The following PAM variants were observed in gnomAD, a reference collection of about 807,000 sequenced individuals.
PAM encodes peptidyl-glycine alpha-amidating monooxygenase.
PAM carries 72 observed loss-of-function variants against 122.1 expected under a neutral mutation model. The observed-to-expected ratio is 0.59, with a 90% CI of 0.49 to 0.72. The LOEUF (loss-of-function observed/expected upper bound fraction) is 0.72, where lower values mean the gene tolerates loss of function less well. PAM is among the 30% of genes least tolerant of loss of function. The pLI, the probability that PAM is intolerant of heterozygous loss-of-function variation, is 0.00. For synonymous variants in PAM, 389 were observed against 404.4 expected (o/e 0.96, Z 0.46); for missense variants, 1,106 against 1,183.7 (o/e 0.93, Z 0.96).
intron 12 of PAM, among the ~76,000 whole-genome samples, chr5:102,954,703 T>G (rs1268076801): frequency 6.6e-6 from 1 of 152,088 alleles, no homozygotes. Flanking sequence ...TCGTTTCAAA[T>G]GTTTAGTCAA....
intron 17 of PAM, among the ~76,000 whole-genome samples, chr5:103,004,581 T>A (rs1460156308): frequency 6.6e-6 from 1 of 152,224 alleles, no homozygotes; most frequent in Non-Finnish European, 1.5e-5. Context: ...AAGATTGATT[T>A]GCCAGATTAA....
At chr5:103,013,992 A>G (rs553739436) in intron 21 of PAM, among the ~76,000 whole-genome samples, 6 of 152,220 alleles carry the variant, frequency 3.9e-5, no homozygotes, top group Non-Finnish European at 8.8e-5. Context: ...AATTCATTAC[A>G]CTGATAATAA....
chr5:102,785,163 A>T (rs1289919007), intron 1 of PAM, among the ~76,000 whole-genome samples: 1 of 152,200 alleles, frequency 6.6e-6, no homozygotes, highest in Non-Finnish European at 1.5e-5. Context: ...TGATTGGGAC[A>T]CTAAAAAGTA....
At chr5:102,795,115 G>A (rs997154496) in intron 1 of PAM, among the ~76,000 whole-genome samples, 2 of 148,640 alleles carry the variant, frequency 1.3e-5, no homozygotes, top group South Asian at 2.1e-4. Flanking sequence ...ACTTGAACCC[G>A]GGAGGTTGAG....
chr5:102,774,969 A>C (rs258142), intron 1 of PAM, among the ~76,000 whole-genome samples: 3 of 151,610 alleles, frequency 2.0e-5, no homozygotes, highest in Non-Finnish European at 4.4e-5. Flanking sequence ...CTGTGAGGTC[A>C]GATAATAGTT....
At chr5:102,837,563 A>G (rs1040782501) in intron 1 of PAM, 1 of 152,224 alleles carries the variant, frequency 6.6e-6, no homozygotes, top group Non-Finnish European at 1.5e-5. Flanking sequence ...AAATGGAAAA[A>G]TAAAATCTGA....
chr5:102,961,258 C>T (rs747332395), intron 14 of PAM, 29 bp downstream of exon 14: 1 of 1,222,398 alleles, frequency 8.2e-7, no homozygotes, highest in South Asian at 1.2e-5. Context: ...ATAACTAGTC[C>T]TATAAAAGTA....
intron 1 of PAM, among the ~76,000 whole-genome samples, chr5:102,858,540 A>G (rs1336556401): frequency 6.6e-6 from 1 of 152,234 alleles, no homozygotes; most frequent in Non-Finnish European, 1.5e-5. Context: ...CATAACATTT[A>G]GTTTGTAATG....
intron 1 of PAM, among the ~76,000 whole-genome samples, chr5:102,852,099 A>T (rs2150741326): frequency 6.6e-6 from 1 of 152,330 alleles, no homozygotes; most frequent in South Asian, 2.1e-4. Flanking sequence ...TGAATCAATG[A>T]TGCAGTCATC....
chr5:102,854,489 A>C (rs538395916), intron 1 of PAM, among the ~76,000 whole-genome samples: 1 of 152,248 alleles, frequency 6.6e-6, no homozygotes, highest in African/African-American at 2.4e-5. Context: ...AACAATGGAG[A>C]GAGAAAGCTA....
chr5:102,999,069 C>T lies in PAM; in HGVS notation c.1614-3964C>T, dbSNP rs112135451. On this transcript the variant is annotated intron_variant, in intron 16 of 25. Transcript: ENST00000438793. Reference sequence around the variant, plus strand: ...AAGTGCTGAGCAGAAGTGGGAAAAGCCCTTTATAAAACCACCAGATCGCAT... The same window carrying T: ...AAGTGCTGAGCAGAAGTGGGAAAAGTCCTTTATAAAACCACCAGATCGCAT... Among the ~76,000 whole-genome samples, 423 of 152,212 alleles carry T rather than the reference C, an allele frequency of 2.8e-3. 2 individuals carry two copies. The highest frequency in any genetic ancestry group is 8.5e-3 in the African/African-American group (354 of 41,526).
chr5:102,838,335 C>G (rs1359158501), intron 1 of PAM: 3 of 151,930 alleles, frequency 2.0e-5, no homozygotes, highest in Non-Finnish European at 2.9e-5. Flanking sequence ...TAAAAAACAC[C>G]AATGCCCAAG....
chr5:102,984,393 T>C (rs1241199914), intron 15 of PAM, among the ~76,000 whole-genome samples: 1 of 152,126 alleles, frequency 6.6e-6, no homozygotes, highest in East Asian at 1.9e-4. Flanking sequence ...AATAGTAAAA[T>C]ATATTTCATG....
intron 15 of PAM, among the ~76,000 whole-genome samples, chr5:102,986,628 C>A (rs1423546990): frequency 6.6e-6 from 1 of 151,960 alleles, no homozygotes; most frequent in Non-Finnish European, 1.5e-5. Flanking sequence ...AGAAAAAAAT[C>A]ATATTGTTAA....
chr5:102,758,073 GTTTTTTT>G (rs1168917285), intron 1 of PAM, among the ~76,000 whole-genome samples: 12 of 24,806 alleles, frequency 4.8e-4, no homozygotes, highest in Non-Finnish European at 9.9e-4. Flanking sequence ...TTAGAATTTT[GTTTTTTT>G]TTTTTTTTTT....
chr5:102,850,721 G>A (rs544084375), intron 1 of PAM, among the ~76,000 whole-genome samples: 1 of 152,256 alleles, frequency 6.6e-6, no homozygotes, highest in African/African-American at 2.4e-5. Context: ...GCGGGTAGTC[G>A]AGGGGGCGGC....
chr5:102,987,153 A>G (rs1772132949), intron 15 of PAM, among the ~76,000 whole-genome samples: 1 of 152,178 alleles, frequency 6.6e-6, no homozygotes, highest in Non-Finnish European at 1.5e-5. Flanking sequence ...ACCTAAGAAT[A>G]TATCAGCAGA....
In PAM at chr5:102,880,740, T is replaced by C. The variant is rs187625083; in HGVS notation, c.210+13347T>C. 4.6e-5 allele frequency among the ~76,000 whole-genome samples: 7 copies of C among 151,358 alleles called. No individual in the cohort carries two copies. In the East Asian group the frequency reaches 1.4e-3, roughly 30 times the overall value. On this transcript the variant is annotated intron_variant, in intron 3 of 25. Coordinates refer to ENST00000438793, the MANE Select transcript of PAM (RefSeq NM_001177306.2). ...CTTAAAATGAAAAATAGAATGAAAA[T>C]ACAAATACAAAGTCAACTTAAGAAA... is the stretch of plus-strand genomic sequence containing the variant.
chr5:102,792,447 A>G (rs768085959), intron 1 of PAM, among the ~76,000 whole-genome samples: 64 of 152,234 alleles, frequency 4.2e-4, no homozygotes, highest in Non-Finnish European at 7.1e-4. Flanking sequence ...GCAATTACAT[A>G]AACTTTTTTC....
Sources: gnomAD v4.1 joint callset for allele counts (sites outside exome capture counted in the v4.1 genomes callset) on GRCh38, gnomAD v4.1.1 for gene constraint, MANE v1.5 for transcripts, NCBI Gene and HGNC (gene_info 2026-07-23, HGNC 2026-07-21) for gene names.